Variants in MECOM observed in about 807,000 individuals in gnomAD.
MECOM encodes histone-lysine N-methyltransferase MECOM.
In MECOM, 13 loss-of-function variants were observed where a neutral mutation model predicts 116.3. That is an observed-to-expected ratio of 0.11 (90% confidence interval 0.07 to 0.18). The LOEUF (loss-of-function observed/expected upper bound fraction) is 0.18. MECOM is among the 10% of genes least tolerant of loss of function. MECOM has a pLI of 1.00. For synonymous variants in MECOM, 528 were observed against 535.2 expected (o/e 0.99, Z 0.19); for missense variants, 1,299 against 1,509.0 (o/e 0.86, Z 2.31).
chr3:169,648,507 G>C (rs1335832143), intron 1 of MECOM, among the ~76,000 whole-genome samples: 1 of 152,168 alleles, frequency 6.6e-6, no homozygotes, highest in Non-Finnish European at 1.5e-5. Context: ...AACAGAATAC[G>C]TAAATCACTC....
In MECOM at chr3:169,609,524, A is replaced by G. The variant is rs565176906; in HGVS notation, c.37+53812T>C. 5.3e-5 allele frequency among the ~76,000 whole-genome samples: 8 copies of G among 152,096 alleles called. No homozygotes were observed. The South Asian group carries it at 1.7e-3, about 32-fold the overall frequency. On this transcript the variant is annotated intron_variant, in intron 1 of 16. Coordinates refer to ENST00000651503, the MANE Select transcript of MECOM (RefSeq NM_004991.4). ...ATTTCCAAATTACATACCAAAGTCC[A>G]GATAAGCTAAAGCAGATTGGTGGGA...
chr3:169,134,461 T>C (rs1735753856), intron 3 of MECOM, among the ~76,000 whole-genome samples: 1 of 152,212 alleles, frequency 6.6e-6, no homozygotes, highest in Admixed American at 6.5e-5. Flanking sequence ...CAGGGTGTTC[T>C]TTTCAATTTT....
At chr3:169,631,122 C>G (rs1463535137) in intron 1 of MECOM, among the ~76,000 whole-genome samples, 2 of 152,238 alleles carry the variant, frequency 1.3e-5, no homozygotes, top group African/African-American at 4.8e-5. Flanking sequence ...GGATCAGTGC[C>G]CTGGCTTCAA....
intron 2 of MECOM, among the ~76,000 whole-genome samples, chr3:169,182,207 G>A (rs1381601908): frequency 1.3e-5 from 2 of 152,170 alleles, no homozygotes; most frequent in African/African-American, 2.4e-5. Flanking sequence ...AAGGCTAACA[G>A]CTATTATTAA....
intron 2 of MECOM, among the ~76,000 whole-genome samples, chr3:169,308,842 C>T (rs1033415851): frequency 6.6e-6 from 1 of 152,192 alleles, no homozygotes; most frequent in Non-Finnish European, 1.5e-5. Flanking sequence ...ATAAAAGACA[C>T]GTCTTCCTTC....
At chr3:169,215,110 C>A (rs1260239349) in intron 2 of MECOM, among the ~76,000 whole-genome samples, 1 of 151,006 alleles carries the variant, frequency 6.6e-6, no homozygotes, top group African/African-American at 2.4e-5. Context: ...TTATATTCCA[C>A]TCTATTCCTT....
At chr3:169,182,482 G>A (rs1268620150) in intron 2 of MECOM, among the ~76,000 whole-genome samples, 1 of 152,204 alleles carries the variant, frequency 6.6e-6, no homozygotes, top group African/African-American at 2.4e-5. Flanking sequence ...AAGCAGCAAA[G>A]CAAGTTGTGA....
chr3:169,230,637 G>T (rs1387345161), intron 2 of MECOM, among the ~76,000 whole-genome samples: 1 of 152,124 alleles, frequency 6.6e-6, no homozygotes, highest in Non-Finnish European at 1.5e-5. Context: ...TGCTCTGAAA[G>T]AACCCACAGC....
intron 1 of MECOM, among the ~76,000 whole-genome samples, chr3:169,551,100 T>A (rs1054702735): frequency 6.6e-6 from 1 of 152,126 alleles, no homozygotes. Flanking sequence ...TGCCCTTTCC[T>A]TTTTAAGTGA....
At chr3:169,242,362 A>C (rs989795708) in intron 2 of MECOM, among the ~76,000 whole-genome samples, 1 of 152,140 alleles carries the variant, frequency 6.6e-6, no homozygotes, top group Non-Finnish European at 1.5e-5. Context: ...GATTTAACAG[A>C]AAGTGTCTCA....
At chr3:169,573,466 T>C (rs1235324245) in intron 1 of MECOM, among the ~76,000 whole-genome samples, 1 of 152,214 alleles carries the variant, frequency 6.6e-6, no homozygotes, top group Non-Finnish European at 1.5e-5. Context: ...GATGCAGGTA[T>C]CTGACGGCAG....
At chr3:169,192,476 G>C (rs1352148098) in intron 2 of MECOM, among the ~76,000 whole-genome samples, 2 of 151,818 alleles carry the variant, frequency 1.3e-5, no homozygotes, top group African/African-American at 4.8e-5. Flanking sequence ...ACAAAATTAT[G>C]GCAAATGTGC....
intron 2 of MECOM, among the ~76,000 whole-genome samples, chr3:169,184,361 A>G (rs542271165): frequency 6.6e-6 from 1 of 152,182 alleles, no homozygotes; most frequent in African/African-American, 2.4e-5. Flanking sequence ...GAAGGAGCAC[A>G]ATGCTTTCAG....
At chr3:169,246,184 TAAAC>T (rs756917521) in intron 2 of MECOM, among the ~76,000 whole-genome samples, 3 of 152,214 alleles carry the variant, frequency 2.0e-5, no homozygotes, top group Non-Finnish European at 4.4e-5. Context: ...CATTATCAGA[TAAAC>T]AAAACAGTGT....
rs1223704548 is a variant in MECOM, at chr3:169,090,105, T to C, written c.3296A>G (p.Lys1099Arg). The C allele has an allele frequency of 6.2e-7, 1 of 1,613,664 alleles. No homozygotes were observed. The highest frequency in any genetic ancestry group is 1.1e-5 in the South Asian group (1 of 91,060). The change falls in exon 15 of 17, where the codon AAA becomes AGA. Residue 1099 changes from lysine (K) to arginine (R), a missense_variant. Physicochemically the swap from Lys to Arg is conservative, Grantham distance 26. Around this residue, in one of 6 missense-constraint regions of MECOM, gnomAD observed 273 missense variants for 289.3 expected, o/e 0.94. Transcript: ENST00000651503. ...EEDEDNDITG[K>R]TGKEPVTSNL... Reference sequence around the variant, plus strand: ...ACTTGTCACTGGTTCCTTTCCTGTTTTTCCAGTAATATCATTGTCTTCATC... The same window carrying C: ...ACTTGTCACTGGTTCCTTTCCTGTTCTTCCAGTAATATCATTGTCTTCATC...
chr3:169,281,210 C>A (rs779965342), intron 2 of MECOM, among the ~76,000 whole-genome samples: 1 of 152,164 alleles, frequency 6.6e-6, no homozygotes, highest in East Asian at 1.9e-4. Context: ...TCGGATTCTG[C>A]GTTTAATCAA....
At chr3:169,248,757 C>T (rs1755898225) in intron 2 of MECOM, among the ~76,000 whole-genome samples, 1 of 152,044 alleles carries the variant, frequency 6.6e-6, no homozygotes, top group Non-Finnish European at 1.5e-5. Flanking sequence ...CAAAGAGACA[C>T]CAGAGGCATG....
chr3:169,589,183 A>C (rs1766110150), intron 1 of MECOM, among the ~76,000 whole-genome samples: 1 of 152,080 alleles, frequency 6.6e-6, no homozygotes, highest in Admixed American at 6.6e-5. Flanking sequence ...GAAAGAAATA[A>C]ACTCCGAATT....
chr3:169,489,421 T>C (rs888594345), intron 1 of MECOM, among the ~76,000 whole-genome samples: 1 of 152,184 alleles, frequency 6.6e-6, no homozygotes, highest in Admixed American at 6.5e-5. Context: ...AAATTTTATA[T>C]GGAAGAATAA....
Sources: allele counts gnomAD v4.1 joint callset (sites outside exome capture counted in the v4.1 genomes callset), GRCh38; gene constraint gnomAD v4.1.1; regional missense constraint gnomAD v4.1.1; transcripts MANE v1.5; gene names NCBI Gene and HGNC (gene_info 2026-07-23, HGNC 2026-07-21).